STX8: variants seen among roughly 807,000 people sequenced by gnomAD.
STX8 encodes syntaxin 8, also known as syntaxin-8.
A neutral mutation model predicts 37.5 loss-of-function variants in STX8; 23 were observed. The observed-to-expected ratio is 0.61, with a 90% CI of 0.44 to 0.87. The LOEUF is 0.87. Ranked by LOEUF, STX8 falls within the 40% of genes least tolerant of loss-of-function variation. STX8 has a pLI of 0.00. For missense variants in STX8, 313 were observed against 284.7 expected (o/e 1.10, Z -0.71); for synonymous variants, 115 against 99.1 (o/e 1.16, Z -0.95).
chr17:9,567,402 G>A (rs758514725), intron 2 of STX8, among the ~76,000 whole-genome samples: 3 of 152,152 alleles, frequency 2.0e-5, no homozygotes, highest in South Asian at 2.1e-4. Context: ...AGTGTTTGTC[G>A]TGGTACCTTA....
At chr17:9,502,884 C>A (rs1031858419) in intron 5 of STX8, among the ~76,000 whole-genome samples, 1 of 151,988 alleles carries the variant, frequency 6.6e-6, no homozygotes, top group African/African-American at 2.4e-5. Flanking sequence ...GAGTGGATCG[C>A]TTGAGGTCAG....
chr17:9,476,957 G>A lies in STX8; in HGVS notation c.541+14872C>T, dbSNP rs192970442. On this transcript the variant is annotated intron_variant, in intron 6 of 7. Transcript: ENST00000306357. The stretch of plus-strand genomic sequence containing the variant: ...ACCTCCCGGGCTCAAGTGATCTTCC[G>A]ACCTCAGCCTCCTGAGTAGCTGGTA... Among the ~76,000 whole-genome samples the A allele has an allele frequency of 2.2e-3, 328 of 151,978 alleles. 3 individuals are homozygous for A. The highest frequency in any genetic ancestry group is 5.0e-3 in the Admixed American group (77 of 15,254).
chr17:9,369,906 A>G (rs1277090203), intron 7 of STX8, among the ~76,000 whole-genome samples: 1 of 149,014 alleles, frequency 6.7e-6, no homozygotes, highest in Non-Finnish European at 1.5e-5. Flanking sequence ...AAAAAAAAAA[A>G]AAAAGAAAGA....
intron 6 of STX8, among the ~76,000 whole-genome samples, chr17:9,421,954 C>T (rs571369194): frequency 1.2e-4 from 18 of 152,224 alleles, no homozygotes; most frequent in Admixed American, 2.0e-4. Context: ...CCTCCTGCTC[C>T]GGCCATGTAG....
chr17:9,573,792 G>A (rs527729910), intron 1 of STX8, among the ~76,000 whole-genome samples: 2 of 152,162 alleles, frequency 1.3e-5, no homozygotes, highest in South Asian at 4.2e-4. Context: ...AACAAAAAAA[G>A]TATAAATGCT....
At chr17:9,345,261 T>G (rs1910493072) in intron 7 of STX8, among the ~76,000 whole-genome samples, 1 of 152,128 alleles carries the variant, frequency 6.6e-6, no homozygotes, top group Non-Finnish European at 1.5e-5. Context: ...GTGATTCTTC[T>G]GCCTCAGCCT....
In STX8 at chr17:9,365,410, T is replaced by C. The variant is rs545884594; in HGVS notation, c.643+13142A>G. Among the ~76,000 whole-genome samples the C allele has an allele frequency of 9.9e-5, 15 of 152,260 alleles. No homozygotes were observed. In the South Asian group the frequency reaches 2.9e-3, roughly 29 times the overall value. ...AGGCATTTGAAGAGATGAAGGAAGTTTGGGGCCTGAAAAAATAGGAAGCAT... is the reference window on the plus strand; with the variant it reads ...AGGCATTTGAAGAGATGAAGGAAGTCTGGGGCCTGAAAAAATAGGAAGCAT... On this transcript the variant is annotated intron_variant, in intron 7 of 7. Coordinates refer to ENST00000306357, the MANE Select transcript of STX8 (RefSeq NM_004853.3).
At chr17:9,501,557 G>A (rs1312813623) in intron 5 of STX8, among the ~76,000 whole-genome samples, 2 of 152,086 alleles carry the variant, frequency 1.3e-5, no homozygotes, top group Admixed American at 6.6e-5. Context: ...TGGGCATGGT[G>A]GTACATGCCT....
intron 4 of STX8, among the ~76,000 whole-genome samples, chr17:9,537,283 G>A (rs936923728): frequency 2.6e-5 from 4 of 152,278 alleles, no homozygotes; most frequent in African/African-American, 7.2e-5. Flanking sequence ...TCCCCCAGCC[G>A]CCCTCAGAGC....
intron 6 of STX8, among the ~76,000 whole-genome samples, chr17:9,412,000 T>C (rs949270121): frequency 6.6e-6 from 1 of 152,156 alleles, no homozygotes; most frequent in Non-Finnish European, 1.5e-5. Context: ...TACAAGTACA[T>C]GGAACTCAAA....
At chr17:9,264,542 C>G (rs779567316) in intron 7 of STX8, among the ~76,000 whole-genome samples, 6 of 152,094 alleles carry the variant, frequency 3.9e-5, no homozygotes, top group Non-Finnish European at 8.8e-5. Context: ...TGGGCTCAAG[C>G]AATCCTCCCT....
intron 6 of STX8, among the ~76,000 whole-genome samples, chr17:9,476,066 C>G (rs1906091088): frequency 6.6e-6 from 1 of 152,216 alleles, no homozygotes; most frequent in Admixed American, 6.5e-5. Context: ...GTAATCCCAA[C>G]TACTCAGGAG....
intron 7 of STX8, among the ~76,000 whole-genome samples, chr17:9,330,592 C>A (rs1909929884): frequency 6.6e-6 from 1 of 152,220 alleles, no homozygotes; most frequent in East Asian, 1.9e-4. Context: ...TTTATTAGTT[C>A]TAGGTCCCTC....
intron 7 of STX8, among the ~76,000 whole-genome samples, chr17:9,327,586 T>C (rs185988482): frequency 2.6e-4 from 39 of 152,248 alleles, no homozygotes; most frequent in Non-Finnish European, 4.4e-4. Context: ...GGTCTCTCTG[T>C]GTGGCATTCC....
chr17:9,436,089 G>A (rs1904419558), intron 6 of STX8, among the ~76,000 whole-genome samples: 1 of 151,814 alleles, frequency 6.6e-6, no homozygotes, highest in African/African-American at 2.4e-5. Context: ...TTCTTAAAAT[G>A]TACCCCACCT....
intron 6 of STX8, among the ~76,000 whole-genome samples, chr17:9,421,895 C>A (rs1274833370): frequency 6.6e-6 from 1 of 152,036 alleles, no homozygotes; most frequent in Non-Finnish European, 1.5e-5. Flanking sequence ...CGAGTTCTCA[C>A]AAGATCTGGT....
At chr17:9,503,773 T>C (rs1194703329) in intron 5 of STX8, among the ~76,000 whole-genome samples, 1 of 152,238 alleles carries the variant, frequency 6.6e-6, no homozygotes, top group Non-Finnish European at 1.5e-5. Context: ...TTTTCTTTTT[T>C]TTCCTTTGAG....
chr17:9,341,768 T>G (rs1296171581), intron 7 of STX8, among the ~76,000 whole-genome samples: 1 of 152,046 alleles, frequency 6.6e-6, no homozygotes, highest in Non-Finnish European at 1.5e-5. Context: ...TGAAGCAAGA[T>G]TTGAAGTTGA....
rs560301697 is a variant in STX8 at position 9,380,102 on chromosome 17, A to G, written c.542-1449T>C. On this transcript the variant is annotated intron_variant, in intron 6 of 7. Transcript: ENST00000306357. ...AGTACGATCTTAACTATGTAAAATT[A>G]TTTGTATCCATCTTTTTATATTTAC... 4.6e-5 allele frequency among the ~76,000 whole-genome samples: 7 copies of G among 152,274 alleles called. No homozygotes were observed. The South Asian group carries it at 1.4e-3, about 32-fold the overall frequency.
Sources: allele counts gnomAD v4.1 joint callset (sites outside exome capture counted in the v4.1 genomes callset), GRCh38; gene constraint gnomAD v4.1.1; transcripts MANE v1.5; gene names NCBI Gene and HGNC (gene_info 2026-07-23, HGNC 2026-07-21).